STXBP5L: variants seen among roughly 807,000 people sequenced by gnomAD.
The protein encoded by STXBP5L is syntaxin-binding protein 5-like.
Under a neutral mutation model 144.5 loss-of-function variants are expected in STXBP5L, and 65 were observed. The observed-to-expected ratio is 0.45, with a 90% confidence interval of 0.37 to 0.55. The LOEUF is 0.55. Ranked by LOEUF, STXBP5L falls within the 20% of genes least tolerant of loss-of-function variation. The probability of loss-of-function intolerance (pLI) is 0.00; values close to 1 mark genes in which losing one functional copy is unlikely to be tolerated. For synonymous variants in STXBP5L, 505 were observed against 469.6 expected, an observed-to-expected ratio of 1.08 and a Z score of -0.97; for missense variants, 1,298 against 1,405.5, an observed-to-expected ratio of 0.92 and a Z score of 1.22.
intron 2 of STXBP5L, among the ~76,000 whole-genome samples, chr3:120,930,270 A>G (rs910811325): frequency 1.3e-5 from 2 of 151,234 alleles, no homozygotes; most frequent in East Asian, 3.9e-4. Context: ...TCTTATCTAC[A>G]TAGTGAGCAC....
intron 6 of STXBP5L, among the ~76,000 whole-genome samples, chr3:121,117,236 T>C (rs1469848778): frequency 6.6e-6 from 1 of 151,256 alleles, no homozygotes; most frequent in African/African-American, 2.4e-5. Flanking sequence ...ATACACATGA[T>C]TCAGCATTAG....
chr3:121,096,490 G>A (rs1331689219), intron 5 of STXBP5L, among the ~76,000 whole-genome samples: 1 of 152,136 alleles, frequency 6.6e-6, no homozygotes, highest in African/African-American at 2.4e-5. Flanking sequence ...CATCTTCATG[G>A]ATTTATCTAC....
chr3:121,153,643 C>T (rs898585767), intron 8 of STXBP5L, among the ~76,000 whole-genome samples: 10 of 151,838 alleles, frequency 6.6e-5, no homozygotes, highest in Admixed American at 1.3e-4. Flanking sequence ...TTTTAAGTTT[C>T]GGTGCTTAAA....
At chr3:121,211,371 A>T (rs2048558524) in intron 10 of STXBP5L, among the ~76,000 whole-genome samples, 1 of 152,056 alleles carries the variant, frequency 6.6e-6, no homozygotes, top group Non-Finnish European at 1.5e-5. Context: ...TGTCATCTGT[A>T]AACAGGGACA....
intron 3 of STXBP5L, among the ~76,000 whole-genome samples, chr3:120,999,178 G>A (rs540623209): frequency 6.6e-6 from 1 of 151,970 alleles, no homozygotes; most frequent in Non-Finnish European, 1.5e-5. Context: ...TCAGCCTCCC[G>A]AGTAGCTGGG....
intron 18 of STXBP5L, among the ~76,000 whole-genome samples, chr3:121,269,835 G>C (rs1270489107): frequency 1.3e-5 from 2 of 152,156 alleles, no homozygotes; most frequent in African/African-American, 2.4e-5. Context: ...TAAAAGGACT[G>C]TGCAGTACAG....
intron 7 of STXBP5L, among the ~76,000 whole-genome samples, chr3:121,144,520 A>G (rs1417122183): frequency 1.3e-5 from 2 of 151,958 alleles, no homozygotes; most frequent in African/African-American, 4.8e-5. Context: ...GTATGGTGGG[A>G]CTGCAAAATG....
chr3:121,369,288 T>G (rs1405793373), intron 20 of STXBP5L, among the ~76,000 whole-genome samples: 1 of 152,116 alleles, frequency 6.6e-6, no homozygotes, highest in African/African-American at 2.4e-5. Flanking sequence ...AGTGCAATTG[T>G]TATCTAGAGT....
At chr3:121,210,217 C>T (rs932958856) in intron 10 of STXBP5L, among the ~76,000 whole-genome samples, 7 of 152,162 alleles carry the variant, frequency 4.6e-5, no homozygotes, top group Non-Finnish European at 1.0e-4. Flanking sequence ...TGTCTTTTGG[C>T]TGCATAAATG....
intron 2 of STXBP5L, among the ~76,000 whole-genome samples, chr3:120,944,955 T>C (rs1423181769): frequency 1.3e-5 from 2 of 151,870 alleles, no homozygotes; most frequent in African/African-American, 4.8e-5. Flanking sequence ...GATTTGGCTG[T>C]TATTGAAAAC....
intron 2 of STXBP5L, among the ~76,000 whole-genome samples, chr3:120,948,436 G>T (rs879355314): frequency 6.6e-6 from 1 of 151,562 alleles, no homozygotes; most frequent in Non-Finnish European, 1.5e-5. Context: ...AGTTTTTGGG[G>T]AACAGGTGGT....
At chr3:120,942,992 T>A (rs779317522) in intron 2 of STXBP5L, among the ~76,000 whole-genome samples, 3 of 151,770 alleles carry the variant, frequency 2.0e-5, no homozygotes, top group Non-Finnish European at 3.0e-5. Flanking sequence ...TTCTTTAATT[T>A]GTTGATTAAT....
chr3:120,935,169 A>G (rs1710198671), intron 2 of STXBP5L, among the ~76,000 whole-genome samples: 1 of 150,582 alleles, frequency 6.6e-6, no homozygotes, highest in Non-Finnish European at 1.5e-5. Flanking sequence ...ACTTATTTTT[A>G]TACTTTTTTT....
Position 121,041,799 on chromosome 3 carries a change from A to C in STXBP5L, c.369+18A>C. 2 of 1,576,972 alleles carry C rather than the reference A, an allele frequency of 1.3e-6. No individual in the cohort carries two copies. Among genetic ancestry groups the C allele is most frequent in the Non-Finnish European group, 1.7e-6 (2 of 1,147,076 alleles). ...TCAATGAGGTAAGGATTATTTTTTG[A>C]CTACTTAAATCACACACTCCCCCAC... On this transcript the variant is annotated intron_variant, in intron 4 of 26. Coordinates refer to ENST00000471454, the MANE Select transcript of STXBP5L (RefSeq NM_001308330.2).
intron 14 of STXBP5L, among the ~76,000 whole-genome samples, chr3:121,240,888 T>G (rs981930111): frequency 6.6e-6 from 1 of 152,146 alleles, no homozygotes; most frequent in Non-Finnish European, 1.5e-5. Context: ...TTCTCAAAAC[T>G]TACAGCACCA....
intron 9 of STXBP5L, among the ~76,000 whole-genome samples, chr3:121,198,216 T>A (rs1387253039): frequency 1.3e-5 from 2 of 152,212 alleles, no homozygotes; most frequent in Non-Finnish European, 2.9e-5. Flanking sequence ...CTCATTGTGG[T>A]TTTGATTTGC....
intron 5 of STXBP5L, among the ~76,000 whole-genome samples, chr3:121,087,479 CATAAT>C (rs1222150854): frequency 6.6e-6 from 1 of 151,976 alleles, no homozygotes; most frequent in African/African-American, 2.4e-5. Context: ...CATTATCTAA[CATAAT>C]ATAGTGTCTT....
At chr3:121,191,036 G>A (rs1360645663) in intron 9 of STXBP5L, among the ~76,000 whole-genome samples, 1 of 151,960 alleles carries the variant, frequency 6.6e-6, no homozygotes, top group East Asian at 1.9e-4. Flanking sequence ...GCTGGGAAGA[G>A]GCGCTCCTCA....
intron 5 of STXBP5L, among the ~76,000 whole-genome samples, chr3:121,068,571 C>A (rs2041658700): frequency 6.6e-6 from 1 of 152,018 alleles, no homozygotes; most frequent in African/African-American, 2.4e-5. Flanking sequence ...TAGAGCATTT[C>A]TTTTACCACT....
Sources: gnomAD v4.1 joint callset for allele counts (sites outside exome capture counted in the v4.1 genomes callset) on GRCh38, gnomAD v4.1.1 for gene constraint, MANE v1.5 for transcripts, NCBI Gene and HGNC (gene_info 2026-07-23, HGNC 2026-07-21) for gene names.